Variants in ASXL3 observed in about 807,000 individuals in gnomAD.
ASXL3 encodes the protein putative Polycomb group protein ASXL3.
A neutral mutation model predicts 170.6 loss-of-function variants in ASXL3; 34 were observed. That is an observed-to-expected ratio of 0.20 (90% CI 0.15 to 0.27). ASXL3 has a LOEUF of 0.27. ASXL3 is among the 10% of genes least tolerant of loss of function. ASXL3 has a pLI of 1.00. For missense variants in ASXL3, 2,592 were observed against 2,695.3 expected (o/e 0.96, Z 0.85); for synonymous variants, 1,002 against 989.1 (o/e 1.01, Z -0.24).
At chr18:33,734,137 A>AGCTTTAGCATTCTCC (rs1362809245) in intron 9 of ASXL3, among the ~76,000 whole-genome samples, 173 bp from the exon 10 acceptor site, 1 of 52,050 alleles carries the variant, frequency 1.9e-5, no homozygotes. Flanking sequence ...TAGCATTTTT[A>AGCTTTAGCATTCTCC]TGAACATCTT....
intron 7 of ASXL3, among the ~76,000 whole-genome samples, chr18:33,681,212 C>T (rs562696372): frequency 2.6e-5 from 4 of 152,018 alleles, no homozygotes; most frequent in East Asian, 1.9e-4. Flanking sequence ...TTGATTCCTC[C>T]GTAGGTCATT....
At chr18:33,623,653 A>C (rs889779792) in intron 2 of ASXL3, among the ~76,000 whole-genome samples, 3 of 152,182 alleles carry the variant, frequency 2.0e-5, no homozygotes, top group African/African-American at 7.2e-5. Flanking sequence ...ATTCTAAGAT[A>C]TTTTACAGCA....
chr18:33,648,921 A>G (rs976733669), intron 4 of ASXL3, among the ~76,000 whole-genome samples: 7 of 152,092 alleles, frequency 4.6e-5, no homozygotes, highest in African/African-American at 1.7e-4. Context: ...ATTTACCTTT[A>G]TGAGTGTATT....
intron 8 of ASXL3, among the ~76,000 whole-genome samples, chr18:33,717,325 T>C (rs1231897966): frequency 6.6e-6 from 1 of 152,132 alleles, no homozygotes; most frequent in African/African-American, 2.4e-5. Context: ...CTGTGTTCCA[T>C]TTTAAGGGCA....
intron 8 of ASXL3, among the ~76,000 whole-genome samples, chr18:33,693,964 A>G (rs1015038282): frequency 1.3e-5 from 2 of 152,174 alleles, no homozygotes; most frequent in Admixed American, 1.3e-4. Context: ...GGAAGGAAGC[A>G]AAGTATGTTG....
chr18:33,630,584 A>T (rs2145170932), intron 2 of ASXL3, among the ~76,000 whole-genome samples: 1 of 151,862 alleles, frequency 6.6e-6, no homozygotes, highest in African/African-American at 2.4e-5. Flanking sequence ...CTAGTGGTTA[A>T]GTTAGTTATT....
intron 8 of ASXL3, among the ~76,000 whole-genome samples, chr18:33,714,064 C>T (rs759018053): frequency 3.9e-5 from 6 of 152,110 alleles, no homozygotes; most frequent in African/African-American, 1.4e-4. Flanking sequence ...CATGACAAGG[C>T]CTCTGTATCT....
At chr18:33,630,102 T>C (rs2065655362) in intron 2 of ASXL3, among the ~76,000 whole-genome samples, 1 of 151,974 alleles carries the variant, frequency 6.6e-6, no homozygotes, top group African/African-American at 2.4e-5. Context: ...GTGTATTGAA[T>C]TTCTTTTAGG....
intron 1 of ASXL3, 44 bp from the exon 2 acceptor site, chr18:33,607,550 A>T: frequency 7.1e-7 from 1 of 1,410,590 alleles, no homozygotes; most frequent in Non-Finnish European, 9.8e-7. Context: ...TTCATTTTGT[A>T]TGCTGCCATG....
At chr18:33,685,646 C>T (rs1328746562) in intron 8 of ASXL3, among the ~76,000 whole-genome samples, 1 of 152,120 alleles carries the variant, frequency 6.6e-6, no homozygotes, top group African/African-American at 2.4e-5. Context: ...TTATTTGGCT[C>T]ATGGTTTTTC....
intron 8 of ASXL3, among the ~76,000 whole-genome samples, chr18:33,727,423 T>C (rs2145386614): frequency 6.6e-6 from 1 of 152,304 alleles, no homozygotes; most frequent in South Asian, 2.1e-4. Context: ...TGAATTCCAG[T>C]TGGCACCCAT....
chr18:33,691,331 C>G (rs2066683099), intron 8 of ASXL3, among the ~76,000 whole-genome samples: 1 of 152,130 alleles, frequency 6.6e-6, no homozygotes, highest in Non-Finnish European at 1.5e-5. Context: ...TAGTTTACTT[C>G]ACTGTTCTCT....
At chr18:33,733,583 A>C (rs1298206873) in intron 9 of ASXL3, among the ~76,000 whole-genome samples, 16 of 152,106 alleles carry the variant, frequency 1.1e-4, no homozygotes, top group Non-Finnish European at 8.8e-5. Flanking sequence ...CTGTTTTTCT[A>C]CACAGCTTAT....
intron 8 of ASXL3, among the ~76,000 whole-genome samples, chr18:33,710,311 T>C (rs189429408): frequency 2.3e-4 from 35 of 152,296 alleles, no homozygotes; most frequent in African/African-American, 8.2e-4. Context: ...ATCAATGTGT[T>C]ATTTTTCCCC....
At chr18:33,678,676 G>A (rs564720198) in intron 7 of ASXL3, among the ~76,000 whole-genome samples, 66 of 152,248 alleles carry the variant, frequency 4.3e-4, no homozygotes, top group African/African-American at 1.5e-3. Flanking sequence ...AGGCTAAGTG[G>A]GAATTAAACG....
chr18:33,744,817 C>G lies in ASXL3; in HGVS notation c.4969C>G (p.Pro1657Ala), dbSNP rs1350170277. The change falls in exon 12 of 12, where the codon CCC becomes GCC. Residue 1657 changes from proline to alanine, a missense_variant. Physicochemically the swap from Pro to Ala is conservative, Grantham distance 27. This residue lies in a region of ASXL3 where 2,246 missense variants were observed against 2,219.6 expected (regional missense o/e 1.01). Transcript: ENST00000269197. ...CTACTTGAACGTGTCAGAACTTCATCCCAGGAATCTTGTAACAAATGTTGC... is the reference window on the plus strand; with the variant it reads ...CTACTTGAACGTGTCAGAACTTCATGCCAGGAATCTTGTAACAAATGTTGC... Reference protein sequence around the residue: ...ANYLNVSELHPRNLVTNVALP... With the variant: ...ANYLNVSELHARNLVTNVALP... 1.2e-6 allele frequency: 2 copies of G among 1,614,028 alleles called. No homozygotes were observed. Among genetic ancestry groups the G allele is most frequent in the African/African-American group, 1.3e-5 (1 of 75,050 alleles).
In ASXL3 at chr18:33,712,757, G is replaced by A. The variant is rs73955184; in HGVS notation, c.880-19211G>A. On this transcript the variant is annotated intron_variant, in intron 8 of 11. Coordinates refer to ENST00000269197, the MANE Select transcript of ASXL3 (RefSeq NM_030632.3). ...TGTGCATTTGTTAGTTGGTTTTCAAGGTGTGTTAGTCAAGGTAGAAGCTAT... is the reference window on the plus strand; with the variant it reads ...TGTGCATTTGTTAGTTGGTTTTCAAAGTGTGTTAGTCAAGGTAGAAGCTAT... 4.5e-3 allele frequency among the ~76,000 whole-genome samples: 678 copies of A among 152,304 alleles called. 3 individuals are homozygous for A. Among genetic ancestry groups the A allele is most frequent in the African/African-American group, 0.015 (618 of 41,564 alleles).
At chr18:33,641,451 A>G (rs1232230448) in intron 2 of ASXL3, among the ~76,000 whole-genome samples, 1 of 152,084 alleles carries the variant, frequency 6.6e-6, no homozygotes, top group Non-Finnish European at 1.5e-5. Flanking sequence ...GGTGTATAGG[A>G]AAGGGCCCAA....
At chr18:33,640,304 C>T (rs2065826360) in intron 2 of ASXL3, among the ~76,000 whole-genome samples, 1 of 151,504 alleles carries the variant, frequency 6.6e-6, no homozygotes, top group Non-Finnish European at 1.5e-5. Context: ...TATATAAAGC[C>T]CTCTAAATTT....
Sources: gnomAD v4.1 joint callset for allele counts (sites outside exome capture counted in the v4.1 genomes callset) on GRCh38, gnomAD v4.1.1 for gene constraint, gnomAD v4.1.1 regional missense constraint, MANE v1.5 for transcripts, NCBI Gene and HGNC (gene_info 2026-07-23, HGNC 2026-07-21) for gene names.